SANBR: variants seen among roughly 807,000 people sequenced by gnomAD.
The protein encoded by SANBR is SANT and BTB domain regulator of CSR, also known as SANT and BTB domain regulator of class switch recombination.
SANBR carries 77 observed loss-of-function variants against 101.8 expected under a neutral mutation model. The ratio of observed to expected loss-of-function variants is 0.76; its 90% CI spans 0.63 to 0.91. The LOEUF is 0.91. Among genes scored for constraint, SANBR ranks in the 40% least tolerant of loss-of-function variants. The pLI, the probability that SANBR is intolerant of heterozygous loss-of-function variation, is 0.00. For synonymous variants in SANBR, 279 were observed against 274.7 expected, an observed-to-expected ratio of 1.02 and a Z score of -0.15; for missense variants, 875 against 853.0, an observed-to-expected ratio of 1.03 and a Z score of -0.32.
chr2:61,119,949 G>C (rs1487623269), intron 20 of SANBR, among the ~76,000 whole-genome samples: 1 of 152,084 alleles, frequency 6.6e-6, no homozygotes, highest in African/African-American at 2.4e-5. Context: ...GCAACAGAAC[G>C]AGACCCTGTC....
At chr2:61,129,014 A>G (rs1559155622), downstream of SANBR, among the ~76,000 whole-genome samples, 3 of 152,314 alleles carry the variant, frequency 2.0e-5, no homozygotes, top group East Asian at 5.8e-4. Flanking sequence ...TCAAAGAAAA[A>G]TCTGTCAACC....
At chr2:61,108,657 T>G (rs1683682794) in intron 15 of SANBR, among the ~76,000 whole-genome samples, 1 of 147,060 alleles carries the variant, frequency 6.8e-6, no homozygotes, top group South Asian at 2.1e-4. Context: ...ATTGTTTGAG[T>G]GAAGGGTTGG....
intron 21 of SANBR, among the ~76,000 whole-genome samples, chr2:61,136,506 G>C (rs1178470873): frequency 6.6e-6 from 1 of 151,274 alleles, no homozygotes; most frequent in Non-Finnish European, 1.5e-5. Flanking sequence ...GCATGCGCCT[G>C]TAATCCCAGC....
At chr2:61,079,334 C>T (rs942459526) in intron 6 of SANBR, among the ~76,000 whole-genome samples, 2 of 152,114 alleles carry the variant, frequency 1.3e-5, no homozygotes, top group Non-Finnish European at 2.9e-5. Flanking sequence ...AGTAATATTT[C>T]AATGGGCATA....
In SANBR at chr2:61,071,160, G is replaced by A. The variant is rs557544862; in HGVS notation, c.151-446G>A. ...TGAAATGTATACAAATATTCTAGAT[G>A]TTACTCTGCAGGTTAATATTTGCTT... On this transcript the variant is annotated intron_variant, in intron 3 of 21. Coordinates refer to ENST00000402291, the MANE Select transcript of SANBR (RefSeq NM_001129993.3). Among the ~76,000 whole-genome samples the A allele has an allele frequency of 9.9e-5, 15 of 152,282 alleles. No individual in the cohort carries two copies. In the South Asian group the frequency reaches 2.9e-3, roughly 29 times the overall value.
chr2:61,086,481 G>A (rs1682437304), intron 8 of SANBR, among the ~76,000 whole-genome samples: 1 of 152,112 alleles, frequency 6.6e-6, no homozygotes, highest in African/African-American at 2.4e-5. Context: ...ATTTAGAGAT[G>A]CAGCAGAGGA....
chr2:61,092,384 C>T lies in SANBR; in HGVS notation c.1089-80C>T. Reference sequence around the variant, plus strand: ...GGGCAACAAGAGTGAAACTCCATCTCAAAGAAGATAATAATTAAATAAATA... The same window carrying T: ...GGGCAACAAGAGTGAAACTCCATCTTAAAGAAGATAATAATTAAATAAATA... On this transcript the variant is annotated intron_variant, in intron 10 of 21. Transcript: ENST00000402291. 7 of 1,124,616 alleles carry T rather than the reference C, an allele frequency of 6.2e-6. No individual in the cohort carries two copies. In the South Asian group the frequency reaches 1.7e-4, roughly 27 times the overall value. The allele number at this position is 1,124,616 out of a possible 1,614,324, so 69.7% of individuals were successfully genotyped here. A position where few individuals can be genotyped will look rare whatever the true frequency, so the allele number is the denominator to read the frequency against.
Position 61,115,269 on chromosome 2 carries a change from T to A in SANBR, c.1745-710T>A, listed in dbSNP as rs543513374. Reference sequence around the variant, plus strand: ...TTGCCTCTTCAATTTGTTTTGATAATTTCTGTCTTTCAAGGAATTTTATCC... The same window carrying A: ...TTGCCTCTTCAATTTGTTTTGATAAATTCTGTCTTTCAAGGAATTTTATCC... On this transcript the variant is annotated intron_variant, in intron 16 of 21. Transcript: ENST00000402291. 5.3e-5 allele frequency among the ~76,000 whole-genome samples: 8 copies of A among 152,172 alleles called. No individual in the cohort carries two copies. The East Asian group carries it at 1.4e-3, about 26-fold the overall frequency.
chr2:61,096,964 A>G (rs1573628429), intron 11 of SANBR, among the ~76,000 whole-genome samples: 1 of 152,084 alleles, frequency 6.6e-6, no homozygotes, highest in Admixed American at 6.6e-5. Context: ...GACCAGCCTG[A>G]CCAACATGGC....
intron 11 of SANBR, among the ~76,000 whole-genome samples, chr2:61,094,352 C>T (rs1012982132): frequency 5.9e-5 from 9 of 152,150 alleles, no homozygotes; most frequent in Admixed American, 4.6e-4. Flanking sequence ...TTTTCCAGAA[C>T]GTCATATAAA....
intron 16 of SANBR, 56 bp from the exon 17 acceptor site, chr2:61,115,923 G>T (rs1684059881): frequency 9.6e-7 from 1 of 1,046,892 alleles, no homozygotes. Context: ...GAAGTAACAA[G>T]TGGACTGGAA....
At position 61,123,606 on chromosome 2, in the gene SANBR, T is replaced by A; in HGVS notation, c.*1444T>A. ...CCAGAGTTTTTTTTGTAGTTTACTG[T>A]GTTTTCTGATTAAAGGATTTGGATT... On this transcript the variant is annotated 3_prime_UTR_variant, in exon 22 of 22. Coordinates refer to ENST00000402291, the MANE Select transcript of SANBR (RefSeq NM_001129993.3). 1 of 984,302 alleles carries A rather than the reference T, an allele frequency of 1.0e-6. No homozygotes were observed. 61.0% of individuals were successfully genotyped at this position (984,302 alleles called of 1,614,324 possible). A position where few individuals can be genotyped will look rare whatever the true frequency, so the allele number is the denominator to read the frequency against.
chr2:61,095,998 C>T (rs537776271), intron 11 of SANBR, among the ~76,000 whole-genome samples: 49 of 152,166 alleles, frequency 3.2e-4, no homozygotes, highest in Middle Eastern at 3.4e-3. Flanking sequence ...ATACCACCAC[C>T]GCTCACACAG....
At chr2:61,088,077 C>A in intron 8 of SANBR, 82 bp from the exon 9 acceptor site, 1 of 692,932 alleles carries the variant, frequency 1.4e-6, no homozygotes, top group Non-Finnish European at 2.4e-6. Context: ...TCTTATTTTA[C>A]AAATGCACAG....
At chr2:61,137,410 AC>A (rs1684884902) in intron 21 of SANBR, 1 of 152,316 alleles carries the variant, frequency 6.6e-6, no homozygotes, top group South Asian at 2.1e-4. Flanking sequence ...AACTCTGCAC[AC>A]TGTCTTTACT....
At chr2:61,124,322 C>T, downstream of SANBR, 8 of 914,042 alleles carry the variant, frequency 8.8e-6, no homozygotes, top group Non-Finnish European at 1.0e-5. Context: ...TCCATCTTCT[C>T]AGAAAAAAAG....
intron 1 of SANBR, among the ~76,000 whole-genome samples, chr2:61,067,969 A>C (rs1380526876): frequency 6.6e-6 from 1 of 152,220 alleles, no homozygotes; most frequent in East Asian, 1.9e-4. Context: ...TGAGTTGTGG[A>C]CCTGCAGTTT....
chr2:61,117,275 G>A (rs1423060837), intron 17 of SANBR, 82 bp from the exon 18 acceptor site: 2 of 1,299,724 alleles, frequency 1.5e-6, no homozygotes, highest in Non-Finnish European at 2.2e-6. Flanking sequence ...CTCAGTAAGA[G>A]TGAACTCTTT....
chr2:61,082,461 C>T lies in SANBR; in HGVS notation c.730-693C>T, dbSNP rs1369540221. 3.3e-5 allele frequency among the ~76,000 whole-genome samples: 5 copies of T among 152,188 alleles called. No homozygotes were observed. The South Asian group carries it at 8.3e-4, about 25-fold the overall frequency. On this transcript the variant is annotated intron_variant, in intron 7 of 21. Transcript: ENST00000402291. ...CAAACCCAGCACAACTGAGAAAATT[C>T]GGAATTGACTGAAATTTTCTGCCAC...
Sources: gnomAD v4.1 joint callset for allele counts (sites outside exome capture counted in the v4.1 genomes callset) on GRCh38, gnomAD v4.1.1 for gene constraint, MANE v1.5 for transcripts, NCBI Gene and HGNC (gene_info 2026-07-23, HGNC 2026-07-21) for gene names.